The following RARB variants were observed in gnomAD, a reference collection of about 807,000 sequenced individuals.
RARB encodes HBV-activated protein.
RARB carries 17 observed loss-of-function variants against 51.9 expected under a neutral mutation model. The ratio of observed to expected loss-of-function variants is 0.33; its 90% confidence interval spans 0.22 to 0.49. The LOEUF (loss-of-function observed/expected upper bound fraction) is 0.49. Among genes scored for constraint, RARB ranks in the 20% least tolerant of loss-of-function variants. The pLI, the probability that RARB is intolerant of heterozygous loss-of-function variation, is 0.99. For missense variants in RARB, 369 were observed against 550.8 expected, an observed-to-expected ratio of 0.67 and a Z score of 3.30; for synonymous variants, 215 against 195.4, an observed-to-expected ratio of 1.10 and a Z score of -0.84.
At chr3:25,144,041 T>C (rs1700150555) in intron 4 of RARB, among the ~76,000 whole-genome samples, 1 of 152,206 alleles carries the variant, frequency 6.6e-6, no homozygotes, top group African/African-American at 2.4e-5. Flanking sequence ...AATTTTTTCT[T>C]ATGGGAATCA....
In RARB at chr3:24,840,373, T is replaced by C. The variant is rs145609408; in HGVS notation, c.-459+10970T>C. Among the ~76,000 whole-genome samples the C allele has an allele frequency of 2.3e-3, 352 of 152,308 alleles. 1 individual carries two copies. Among genetic ancestry groups the C allele is most frequent in the African/African-American group, 8.2e-3 (341 of 41,566 alleles). On this transcript the variant is annotated intron_variant, in intron 1 of 11. Coordinates refer to the RARB transcript ENST00000383772. ...AGTTAGAATTTGAATCAGTTGATCCTCCATTGCTTCTCTGTCTATTGCCCC... is the reference window on the plus strand; with the variant it reads ...AGTTAGAATTTGAATCAGTTGATCCCCCATTGCTTCTCTGTCTATTGCCCC...
At chr3:24,904,942 C>T (rs1322952101) in intron 2 of RARB, among the ~76,000 whole-genome samples, 2 of 152,118 alleles carry the variant, frequency 1.3e-5, no homozygotes, top group African/African-American at 2.4e-5. Flanking sequence ...TGTTCTCAGT[C>T]GTTAAGTGGG....
At chr3:24,968,182 C>T (rs75390874) in intron 2 of RARB, among the ~76,000 whole-genome samples, 2 of 152,126 alleles carry the variant, frequency 1.3e-5, no homozygotes, top group Non-Finnish European at 2.9e-5. Context: ...GGCAATTAAG[C>T]ATGTGCTACA....
chr3:25,444,436 A>G (rs1304242203), intron 1 of RARB, among the ~76,000 whole-genome samples: 1 of 152,246 alleles, frequency 6.6e-6, no homozygotes, highest in African/African-American at 2.4e-5. Context: ...CAGTTCTTCT[A>G]ATTGCTGTGC....
intron 5 of RARB, among the ~76,000 whole-genome samples, chr3:25,300,477 C>G (rs924061696): frequency 3.3e-5 from 5 of 152,124 alleles, no homozygotes; most frequent in Non-Finnish European, 7.4e-5. Flanking sequence ...CCTTTTTGAT[C>G]CATTGAAGAG....
intron 5 of RARB, among the ~76,000 whole-genome samples, chr3:25,350,640 C>T (rs956388829): frequency 3.9e-5 from 6 of 152,222 alleles, no homozygotes; most frequent in African/African-American, 9.6e-5. Context: ...CAGGGGAAGA[C>T]ACTCGGTCTC....
At chr3:24,958,041 C>T (rs1696055273) in intron 2 of RARB, among the ~76,000 whole-genome samples, 2 of 152,202 alleles carry the variant, frequency 1.3e-5, no homozygotes. Flanking sequence ...TAACAACCTG[C>T]TCACCAAAAT....
intron 5 of RARB, among the ~76,000 whole-genome samples, chr3:25,340,288 T>C (rs1265470805): frequency 1.3e-5 from 2 of 152,170 alleles, no homozygotes; most frequent in Admixed American, 1.3e-4. Flanking sequence ...TAATTTTTGT[T>C]TCTGTAGGAA....
intron 5 of RARB, among the ~76,000 whole-genome samples, chr3:25,257,144 C>A (rs569094616): frequency 6.6e-6 from 1 of 152,158 alleles, no homozygotes; most frequent in Non-Finnish European, 1.5e-5. Context: ...TGATGGTTGA[C>A]AGTAAGTTCA....
Position 25,226,751 on chromosome 3 carries a change from C to G in RARB, c.178+52176C>G, listed in dbSNP as rs75303940. Among the ~76,000 whole-genome samples the G allele has an allele frequency of 3.0e-4, 45 of 152,238 alleles. No individual in the cohort carries two copies. In the East Asian group the frequency reaches 8.7e-3, roughly 29 times the overall value. ...CAACTCCATGTCCTTTCCTATCAGG[C>G]TGCTCTGTGAATCAAACACAAGGAG... On this transcript the variant is annotated intron_variant, in intron 5 of 11. Transcript: ENST00000383772.
intron 5 of RARB, among the ~76,000 whole-genome samples, chr3:25,233,247 C>A (rs181640356): frequency 3.3e-5 from 5 of 152,230 alleles, no homozygotes; most frequent in Admixed American, 6.5e-5. Context: ...GTGCGAGCCA[C>A]AGCACCCAGC....
chr3:25,206,924 G>C (rs946759192), intron 5 of RARB, among the ~76,000 whole-genome samples: 1 of 152,142 alleles, frequency 6.6e-6, no homozygotes, highest in Non-Finnish European at 1.5e-5. Context: ...ACAGCTACTT[G>C]ACCACATGAA....
chr3:25,076,945 T>C (rs2125311081), intron 3 of RARB, among the ~76,000 whole-genome samples: 1 of 152,314 alleles, frequency 6.6e-6, no homozygotes, highest in South Asian at 2.1e-4. Flanking sequence ...GAGCTATAAA[T>C]AAACATCATT....
At chr3:24,852,718 C>T (rs774449162) in intron 1 of RARB, among the ~76,000 whole-genome samples, 1 of 152,128 alleles carries the variant, frequency 6.6e-6, no homozygotes, top group Non-Finnish European at 1.5e-5. Flanking sequence ...TCCTTAAAAA[C>T]CATCTTCCTA....
chr3:25,088,443 T>C (rs993114814), intron 3 of RARB, among the ~76,000 whole-genome samples: 1 of 152,156 alleles, frequency 6.6e-6, no homozygotes, highest in Non-Finnish European at 1.5e-5. Flanking sequence ...TATAACTGTA[T>C]ATAATTGATG....
chr3:24,973,222 T>C (rs1696439645), intron 2 of RARB, among the ~76,000 whole-genome samples: 2 of 152,114 alleles, frequency 1.3e-5, no homozygotes, highest in East Asian at 1.9e-4. Flanking sequence ...GCACCATTTA[T>C]TGAAGAGACT....
At chr3:25,101,520 T>C (rs577811103) in intron 3 of RARB, among the ~76,000 whole-genome samples, 16 of 152,230 alleles carry the variant, frequency 1.1e-4, no homozygotes, top group African/African-American at 3.8e-4. Context: ...CTTTGTTTTA[T>C]CTTAGAAACT....
At chr3:25,056,583 C>G (rs1698446745) in intron 2 of RARB, among the ~76,000 whole-genome samples, 2 of 152,048 alleles carry the variant, frequency 1.3e-5, no homozygotes, top group African/African-American at 4.8e-5. Flanking sequence ...GACTCTGTCC[C>G]AGAGCAATAG....
intron 5 of RARB, among the ~76,000 whole-genome samples, chr3:25,190,615 C>T (rs989921665): frequency 6.6e-6 from 1 of 151,980 alleles, no homozygotes; most frequent in Non-Finnish European, 1.5e-5. Context: ...CAGGTGATTC[C>T]TTGAGGTGTG....
Sources: gnomAD v4.1 joint callset for allele counts (sites outside exome capture counted in the v4.1 genomes callset) on GRCh38, gnomAD v4.1.1 for gene constraint, MANE v1.5 for transcripts, NCBI Gene and HGNC (gene_info 2026-07-23, HGNC 2026-07-21) for gene names.